The following ADAM19 variants were observed in gnomAD, a reference collection of about 807,000 sequenced individuals.
The protein encoded by ADAM19 is disintegrin and metalloproteinase domain-containing protein 19.
Under a neutral mutation model 114.7 loss-of-function variants are expected in ADAM19, and 65 were observed. The observed-to-expected ratio is 0.57, with a 90% CI of 0.46 to 0.70. The LOEUF is 0.70. Ranked by LOEUF, ADAM19 falls within the 30% of genes least tolerant of loss-of-function variation. The pLI, the probability that ADAM19 is intolerant of heterozygous loss-of-function variation, is 0.00. For synonymous variants in ADAM19, 466 were observed against 460.5 expected (o/e 1.01, Z -0.15); for missense variants, 1,063 against 1,204.7 (o/e 0.88, Z 1.74).
At chr5:157,550,958 T>G (rs1264908496) in intron 3 of ADAM19, among the ~76,000 whole-genome samples, 1 of 152,200 alleles carries the variant, frequency 6.6e-6, no homozygotes, top group Non-Finnish European at 1.5e-5. Context: ...GAGTTAATCA[T>G]GCATACACAT....
chr5:157,531,568 G>A (rs934575753), intron 4 of ADAM19, among the ~76,000 whole-genome samples: 4 of 152,048 alleles, frequency 2.6e-5, no homozygotes, highest in Admixed American at 2.0e-4. Context: ...TCGGGAGGCC[G>A]AGGCAGGAGA....
At chr5:157,489,246 C>G in intron 19 of ADAM19, 60 bp from the exon 20 acceptor site, 1 of 1,268,484 alleles carries the variant, frequency 7.9e-7, no homozygotes, top group Non-Finnish European at 1.1e-6. Context: ...GGGACAGTGC[C>G]TGAGTTCCCT....
chr5:157,520,655 C>G, intron 5 of ADAM19, among the ~76,000 whole-genome samples: 1 of 152,200 alleles, frequency 6.6e-6, no homozygotes, highest in African/African-American at 2.4e-5. Flanking sequence ...ATCAAGACTA[C>G]TGGATGATTA....
At chr5:157,551,136 G>A (rs1476895273) in intron 3 of ADAM19, among the ~76,000 whole-genome samples, 2 of 152,136 alleles carry the variant, frequency 1.3e-5, no homozygotes, top group African/African-American at 4.8e-5. Context: ...CAGGCACAGT[G>A]GTTCATGCCT....
intron 1 of ADAM19, among the ~76,000 whole-genome samples, 160 bp from the exon 2 acceptor site, chr5:157,571,140 G>A (rs573439651): frequency 3.9e-5 from 6 of 152,294 alleles, no homozygotes; most frequent in Admixed American, 6.5e-5. Flanking sequence ...TCTAGGTGTC[G>A]GTGATATTGT....
chr5:157,557,912 A>G (rs1757410611), intron 3 of ADAM19, among the ~76,000 whole-genome samples: 1 of 152,222 alleles, frequency 6.6e-6, no homozygotes, highest in East Asian at 1.9e-4. Context: ...AACATTCAGT[A>G]CATTGCAAAT....
In ADAM19 at chr5:157,515,454, C is replaced by G. The variant is rs1050668471; in HGVS notation, c.667-1949G>C. ...GTCAGCAAATCTTTTCTGCAAAGGC[C>G]GGATTAGGCTTTGCGGCCCCATAGT... On this transcript the variant is annotated intron_variant, in intron 7 of 22. Coordinates refer to ENST00000257527, the MANE Select transcript of ADAM19 (RefSeq NM_033274.5). Among the ~76,000 whole-genome samples, 3 of 152,138 alleles carry G rather than the reference C, an allele frequency of 2.0e-5. No homozygotes were observed. In the South Asian group the frequency reaches 6.2e-4, roughly 31 times the overall value.
intron 3 of ADAM19, among the ~76,000 whole-genome samples, chr5:157,553,028 T>C (rs1233967073): frequency 6.6e-6 from 1 of 152,172 alleles, no homozygotes; most frequent in Non-Finnish European, 1.5e-5. Flanking sequence ...AGAAGGATGG[T>C]TACCAGAGGC....
chr5:157,508,117 A>G (rs1231515888), intron 9 of ADAM19, among the ~76,000 whole-genome samples: 1 of 152,266 alleles, frequency 6.6e-6, no homozygotes, highest in Non-Finnish European at 1.5e-5. Flanking sequence ...GCAAATTGAT[A>G]TGAAGTCCTA....
At chr5:157,516,665 G>A (rs1756098499) in intron 7 of ADAM19, among the ~76,000 whole-genome samples, 1 of 152,122 alleles carries the variant, frequency 6.6e-6, no homozygotes, top group South Asian at 2.1e-4. Flanking sequence ...AAAGGATTCT[G>A]TAGCTGAAAA....
chr5:157,572,210 C>T lies in ADAM19; in HGVS notation c.95-1230G>A, dbSNP rs375044280. ...ATGCCATTCTCCTGCCTCAGCCTCC[C>T]GAGTAGCTGGGACTACAGGCACCCG... On this transcript the variant is annotated intron_variant, in intron 1 of 22. Coordinates refer to ENST00000257527, the MANE Select transcript of ADAM19 (RefSeq NM_033274.5). 2.0e-3 allele frequency: 881 copies of T among 440,290 alleles called. 9 individuals carry two copies. The highest frequency in any genetic ancestry group is 0.015 in the African/African-American group (763 of 49,622). 27.3% of individuals were successfully genotyped at this position (440,290 alleles called of 1,614,324 possible).
Position 157,502,999 on chromosome 5 carries a change from G to A in ADAM19, c.1131-19C>T. 1 of 1,605,874 alleles carries A rather than the reference G, an allele frequency of 6.2e-7. No homozygotes were observed. The highest frequency in any genetic ancestry group is 1.1e-5 in the South Asian group (1 of 90,784). On this transcript the variant is annotated intron_variant, in intron 11 of 22. Transcript: ENST00000257527. ...GGGGTGCCTGGCAGAGGACAAGGCT[G>A]GAATTAGTGGGGAGTTTGAGCATCT...
At position 157,530,869 on chromosome 5, in the gene ADAM19, G is replaced by A; in HGVS notation, c.345C>T (p.Tyr115=). ...TTRKLEDHCF[Y]HGTVRETELS... ...GTTCTGTCTCCCTCACCGTGCCGTG[G>A]TAAAAGCAGTGATCCTAGCAAGGAG... The change falls in exon 5 of 23, where the codon TAC becomes TAT. Residue 115 remains tyrosine (Y), a synonymous_variant. Coordinates refer to ENST00000257527, the MANE Select transcript of ADAM19 (RefSeq NM_033274.5). 6.2e-7 allele frequency: 1 copy of A among 1,614,168 alleles called. No individual in the cohort carries two copies. The highest frequency in any genetic ancestry group is 8.5e-7 in the Non-Finnish European group (1 of 1,180,006).
intron 1 of ADAM19, among the ~76,000 whole-genome samples, chr5:157,573,467 C>T (rs1227813488): frequency 6.6e-6 from 1 of 152,142 alleles, no homozygotes; most frequent in African/African-American, 2.4e-5. Context: ...ATAACCTGGC[C>T]AGGCACAATG....
intron 14 of ADAM19, among the ~76,000 whole-genome samples, chr5:157,496,097 A>T (rs761422723): frequency 2.6e-5 from 4 of 151,738 alleles, no homozygotes; most frequent in Non-Finnish European, 5.9e-5. Flanking sequence ...AAGCCACCAT[A>T]TCAGCCACCT....
intron 5 of ADAM19, among the ~76,000 whole-genome samples, chr5:157,527,505 C>T (rs1192412233): frequency 6.6e-6 from 1 of 152,110 alleles, no homozygotes; most frequent in African/African-American, 2.4e-5. Context: ...CCACCGCACC[C>T]GGCCAGAAAC....
intron 2 of ADAM19, 24 bp from the exon 3 acceptor site, chr5:157,564,467 T>C: frequency 6.2e-7 from 1 of 1,612,882 alleles, no homozygotes; most frequent in Non-Finnish European, 8.5e-7. Context: ...CAAAACAATG[T>C]CAGTTCCTAA....
At chr5:157,488,531 T>C in intron 20 of ADAM19, 42 bp from the exon 21 acceptor site, 1 of 1,480,006 alleles carries the variant, frequency 6.8e-7, no homozygotes, top group South Asian at 1.3e-5. Context: ...AAGAAATCAC[T>C]CAGGGCTGGC....
At position 157,497,103 on chromosome 5, in the gene ADAM19, T is replaced by C; in HGVS notation, c.1399-14A>G. On this transcript the variant is annotated splice_polypyrimidine_tract_variant and intron_variant, in intron 13 of 22. Transcript: ENST00000257527. ...AGGAGCCAACAGCTGAGCCAAGGAA[T>C]GAGAGGAAAACACAGTCAATCTCCT... 1 of 1,499,584 alleles carries C rather than the reference T, an allele frequency of 6.7e-7. No homozygotes were observed. The highest frequency in any genetic ancestry group is 8.8e-7 in the Non-Finnish European group (1 of 1,131,270). 92.9% of individuals were successfully genotyped at this position (1,499,584 alleles called of 1,614,324 possible). A position where few individuals can be genotyped will look rare whatever the true frequency, so the allele number is the denominator to read the frequency against.
Sources: gnomAD v4.1 joint callset for allele counts (sites outside exome capture counted in the v4.1 genomes callset) on GRCh38, gnomAD v4.1.1 for gene constraint, MANE v1.5 for transcripts, NCBI Gene and HGNC (gene_info 2026-07-23, HGNC 2026-07-21) for gene names.